The following PGAP1 variants were observed in gnomAD, a reference collection of about 807,000 sequenced individuals.
PGAP1 encodes GPI inositol-deacylase.
PGAP1 carries 76 observed loss-of-function variants against 127.0 expected under a neutral mutation model. The observed-to-expected ratio is 0.60, with a 90% CI of 0.50 to 0.72. The LOEUF is 0.72. PGAP1 is among the 30% of genes least tolerant of loss of function. PGAP1 has a pLI of 0.00. For missense variants in PGAP1, 982 were observed against 1,071.3 expected (o/e 0.92, Z 1.16); for synonymous variants, 362 against 366.5 (o/e 0.99, Z 0.14).
intron 5 of PGAP1, among the ~76,000 whole-genome samples, chr2:196,901,525 A>G (rs1702490281): frequency 6.6e-6 from 1 of 152,226 alleles, no homozygotes; most frequent in Non-Finnish European, 1.5e-5. Context: ...CATTCTATGC[A>G]TCTTCTCTTT....
chr2:196,890,730 T>G, intron 10 of PGAP1, 98 bp downstream of exon 10: 1 of 672,468 alleles, frequency 1.5e-6, no homozygotes. Flanking sequence ...CTACTTAGAT[T>G]TAATAGTAAT....
At chr2:196,865,582 T>C (rs1380040353) in intron 19 of PGAP1, among the ~76,000 whole-genome samples, 1 of 152,150 alleles carries the variant, frequency 6.6e-6, no homozygotes. Flanking sequence ...TATAGGTAGT[T>C]ATTAGGATTA....
At chr2:196,917,345 C>T (rs1703047973) in intron 2 of PGAP1, among the ~76,000 whole-genome samples, 1 of 152,206 alleles carries the variant, frequency 6.6e-6, no homozygotes, top group Non-Finnish European at 1.5e-5. Context: ...TTATAATCCA[C>T]ATATTATACA....
intron 5 of PGAP1, among the ~76,000 whole-genome samples, chr2:196,899,861 G>A (rs761547368): frequency 1.3e-5 from 2 of 152,004 alleles, no homozygotes; most frequent in Non-Finnish European, 2.9e-5. Context: ...TGGTGAAACC[G>A]CATCTCTACT....
chr2:196,891,583 G>A (rs1277579684), intron 9 of PGAP1, among the ~76,000 whole-genome samples: 1 of 152,066 alleles, frequency 6.6e-6, no homozygotes. Flanking sequence ...AAGCTTGTGA[G>A]CCAACTCACC....
intron 20 of PGAP1, among the ~76,000 whole-genome samples, chr2:196,851,557 T>A (rs980852423): frequency 1.3e-5 from 2 of 152,188 alleles, no homozygotes. Flanking sequence ...ATTATTTTCT[T>A]TTAGAGAGCC....
rs766962466 is a variant in PGAP1 at position 196,898,324 on chromosome 2, T to C, written c.853A>G (p.Ile285Val). The C allele has an allele frequency of 3.1e-6, 5 of 1,605,432 alleles. No individual in the cohort carries two copies. Among genetic ancestry groups the C allele is most frequent in the Admixed American group, 1.7e-5 (1 of 59,692 alleles). The change falls in exon 6 of 27, where the codon ATT becomes GTT. Residue 285 changes from isoleucine (I) to valine (V), a missense_variant. Ile to Val is a conservative substitution (Grantham distance 29). Transcript: ENST00000354764. Reference sequence around the variant, plus strand: ...ATACAAGTATTAACTTACCACACAATGGAGAGGTGGTCTGTTGAGACCCAG... The same window carrying C: ...ATACAAGTATTAACTTACCACACAACGGAGAGGTGGTCTGTTGAGACCCAG... ...KTWVSTDHLS[I>V]VWCKQLQLTT...
intron 13 of PGAP1, among the ~76,000 whole-genome samples, chr2:196,878,484 C>A (rs936511655): frequency 6.6e-6 from 1 of 152,086 alleles, no homozygotes; most frequent in Non-Finnish European, 1.5e-5. Flanking sequence ...CAATGAGTAT[C>A]CCCACCTGTC....
intron 12 of PGAP1, among the ~76,000 whole-genome samples, 180 bp downstream of exon 12, chr2:196,885,244 C>A (rs1234350791): frequency 1.3e-5 from 2 of 152,024 alleles, no homozygotes; most frequent in Admixed American, 1.3e-4. Flanking sequence ...ATAAATAACA[C>A]TAATTGTATG....
intron 9 of PGAP1, 139 bp from the exon 10 acceptor site, chr2:196,891,050 G>A: frequency 1.8e-6 from 1 of 554,868 alleles, no homozygotes. Context: ...CTCTAGGAGT[G>A]GGAGAAGGAA....
At chr2:196,882,673 G>T (rs1701770465) in intron 12 of PGAP1, among the ~76,000 whole-genome samples, 2 of 152,096 alleles carry the variant, frequency 1.3e-5, no homozygotes, top group Admixed American at 1.3e-4. Flanking sequence ...GTGTCAATAG[G>T]AATGTTAGTT....
At chr2:196,916,284 T>C in intron 3 of PGAP1, 134 bp downstream of exon 3, 1 of 687,842 alleles carries the variant, frequency 1.5e-6, no homozygotes, top group Non-Finnish European at 2.1e-6. Flanking sequence ...CAACAGACTC[T>C]CACAAAAAAA....
At chr2:196,898,234 T>C in intron 6 of PGAP1, 83 bp downstream of exon 6, 1 of 1,004,758 alleles carries the variant, frequency 1.0e-6, no homozygotes, top group African/African-American at 1.7e-5. Flanking sequence ...AAAAAAAAGT[T>C]AACAAGCCAA....
chr2:196,858,541 G>A (rs1700964199), intron 20 of PGAP1, among the ~76,000 whole-genome samples: 1 of 151,986 alleles, frequency 6.6e-6, no homozygotes, highest in Admixed American at 6.6e-5. Flanking sequence ...GTTCTAAGAG[G>A]AGAGTTCATA....
intron 20 of PGAP1, among the ~76,000 whole-genome samples, chr2:196,857,113 T>C (rs1351257600): frequency 6.6e-6 from 1 of 152,182 alleles, no homozygotes; most frequent in African/African-American, 2.4e-5. Context: ...ACTATCTCTG[T>C]TTGCAGATGA....
At chr2:196,844,384 T>TC in intron 24 of PGAP1, 140 bp downstream of exon 24, 2 of 565,502 alleles carry the variant, frequency 3.5e-6, no homozygotes, top group Non-Finnish European at 6.0e-6. Flanking sequence ...TTTAAAATAT[T>TC]CATTAGGTTC....
At chr2:196,846,366 C>T (rs1346477241) in intron 22 of PGAP1, among the ~76,000 whole-genome samples, 2 of 152,096 alleles carry the variant, frequency 1.3e-5, no homozygotes, top group African/African-American at 2.4e-5. Context: ...AGCCTAGAGA[C>T]CACTCAGACC....
At chr2:196,865,217 A>T in intron 19 of PGAP1, 137 bp from the exon 20 acceptor site, 1 of 551,856 alleles carries the variant, frequency 1.8e-6, no homozygotes, top group Non-Finnish European at 3.2e-6. Context: ...AGTATCAAAA[A>T]CTCTAAGTAA....
chr2:196,851,171 CA>C (rs1700708915), intron 20 of PGAP1, among the ~76,000 whole-genome samples: 1 of 149,372 alleles, frequency 6.7e-6, no homozygotes, highest in Admixed American at 6.7e-5. Context: ...TTAAAAAAAA[CA>C]AAAAAATAAA....
Sources: allele counts gnomAD v4.1 joint callset (sites outside exome capture counted in the v4.1 genomes callset), GRCh38; gene constraint gnomAD v4.1.1; transcripts MANE v1.5; gene names NCBI Gene and HGNC (gene_info 2026-07-23, HGNC 2026-07-21).